DRC11: variants seen among roughly 807,000 people sequenced by gnomAD.
The protein encoded by DRC11 is dynein regulatory complex subunit 11.
chr2:236,352,213 G>T, the DRC11 span, among the ~76,000 whole-genome samples: 28 of 152,212 alleles, frequency 1.8e-4, no homozygotes, highest in South Asian at 5.6e-3. The surrounding 1 kb of genome is among the most constrained non-coding windows in gnomAD (Gnocchi z 7.0). Context: ...GGCGGCCAGC[G>T]GTGGCCTGTG....
the DRC11 span, among the ~76,000 whole-genome samples, chr2:236,316,683 A>G: frequency 1.3e-5 from 2 of 152,228 alleles, no homozygotes; most frequent in Non-Finnish European, 2.9e-5. The surrounding 1 kb of genome is among the most constrained non-coding windows in gnomAD (Gnocchi z 6.8). Flanking sequence ...GTGCAACCCC[A>G]GTAGTCATTA....
At chr2:236,372,097 G>T in the DRC11 span, among the ~76,000 whole-genome samples, 1 of 152,134 alleles carries the variant, frequency 6.6e-6, no homozygotes, top group African/African-American at 2.4e-5. This position sits in a 1 kb window ranked among gnomAD's most constrained non-coding sequence, Gnocchi z 4.5. Context: ...TGCCAGAGGT[G>T]CTTTCGACCG....
chr2:236,482,031 T>A, the DRC11 span, among the ~76,000 whole-genome samples: 1 of 93,642 alleles, frequency 1.1e-5, no homozygotes, highest in African/African-American at 5.0e-5. This position sits in a 1 kb window ranked among gnomAD's most constrained non-coding sequence, Gnocchi z 4.5. Flanking sequence ...ATTATATGTA[T>A]AATTCTAGGT....
chr2:236,444,341 C>T, the DRC11 span, among the ~76,000 whole-genome samples: 1 of 152,226 alleles, frequency 6.6e-6, no homozygotes, highest in Admixed American at 6.5e-5. Flanking sequence ...GTGAAGACTA[C>T]AGTGTTTACT....
the DRC11 span, chr2:236,368,267 C>T: frequency 1.2e-6 from 2 of 1,607,400 alleles, no homozygotes; most frequent in African/African-American, 1.3e-5. Context: ...CTATGGACAC[C>T]TGGCGAAGAG....
the DRC11 span, among the ~76,000 whole-genome samples, chr2:236,482,917 G>A: frequency 6.6e-6 from 1 of 152,132 alleles, no homozygotes; most frequent in Non-Finnish European, 1.5e-5. The surrounding 1 kb of genome is among the most constrained non-coding windows in gnomAD (Gnocchi z 4.5). Flanking sequence ...AAACATACCA[G>A]TCTAACTATT....
At chr2:236,436,364 G>A in the DRC11 span, among the ~76,000 whole-genome samples, 67 of 152,176 alleles carry the variant, frequency 4.4e-4, no homozygotes, top group African/African-American at 1.5e-3. Flanking sequence ...GTTTTGTGTA[G>A]TTAAGTATAT....
chr2:236,498,597 A>G, the DRC11 span, among the ~76,000 whole-genome samples: 1 of 152,230 alleles, frequency 6.6e-6, no homozygotes, highest in South Asian at 2.1e-4. Context: ...GAAGCCAGAG[A>G]GCAGAGGAGT....
the DRC11 span, among the ~76,000 whole-genome samples, chr2:236,364,204 G>A: frequency 0.29 from 27,738 of 95,698 alleles, 2,805 homozygotes; most frequent in Non-Finnish European, 0.32. Context: ...GGGTCTCTGC[G>A]GGTCCTTAAT....
the DRC11 span, among the ~76,000 whole-genome samples, chr2:236,352,676 T>G: frequency 2.0e-5 from 3 of 152,146 alleles, no homozygotes. This position sits in a 1 kb window ranked among gnomAD's most constrained non-coding sequence, Gnocchi z 7.0. Context: ...TACAGATCCT[T>G]TACGAAAATG....
the DRC11 span, among the ~76,000 whole-genome samples, chr2:236,491,203 TATATATATAC>T: frequency 9.5e-5 from 6 of 62,958 alleles, no homozygotes; most frequent in African/African-American, 3.7e-4. Context: ...TATATATATA[TATATATATAC>T]ACACAGTATA....
At chr2:236,497,306 G>T in the DRC11 span, 1 of 1,613,882 alleles carries the variant, frequency 6.2e-7, no homozygotes, top group South Asian at 1.1e-5. The surrounding 1 kb of genome is among the most constrained non-coding windows in gnomAD (Gnocchi z 5.1). Context: ...TTCTGGGGGT[G>T]GACGAACTGG....
the DRC11 span, chr2:236,408,041 C>G: frequency 1.7e-6 from 1 of 576,082 alleles, no homozygotes; most frequent in African/African-American, 1.9e-5. This position sits in a 1 kb window ranked among gnomAD's most constrained non-coding sequence, Gnocchi z 5.5. Flanking sequence ...AGGGTGAGCA[C>G]TCACTTCTTG....
At chr2:236,472,983 G>A in the DRC11 span, among the ~76,000 whole-genome samples, 1 of 152,166 alleles carries the variant, frequency 6.6e-6, no homozygotes, top group Admixed American at 6.5e-5. This position sits in a 1 kb window ranked among gnomAD's most constrained non-coding sequence, Gnocchi z 4.6. Flanking sequence ...CCCAGGACAT[G>A]TAGGGAACAG....
chr2:236,357,764 A>G, the DRC11 span, among the ~76,000 whole-genome samples: 5 of 126,758 alleles, frequency 3.9e-5, no homozygotes, highest in South Asian at 7.1e-4. Flanking sequence ...AAATATACAT[A>G]TACTATGTAA....
At chr2:236,342,257 C>G in the DRC11 span, among the ~76,000 whole-genome samples, 1 of 152,172 alleles carries the variant, frequency 6.6e-6, no homozygotes, top group East Asian at 1.9e-4. The surrounding 1 kb of genome is among the most constrained non-coding windows in gnomAD (Gnocchi z 5.8). Context: ...TGCCTCTGTG[C>G]CCTTGGGATC....
the DRC11 span, among the ~76,000 whole-genome samples, chr2:236,355,485 T>G: frequency 2.0e-5 from 3 of 152,218 alleles, no homozygotes; most frequent in Non-Finnish European, 4.4e-5. Context: ...GAGCCTGGCC[T>G]CTTCATGGAC....
chr2:236,446,975 C>T, the DRC11 span, among the ~76,000 whole-genome samples: 4 of 151,700 alleles, frequency 2.6e-5, no homozygotes, highest in African/African-American at 9.8e-5. The surrounding 1 kb of genome is among the most constrained non-coding windows in gnomAD (Gnocchi z 6.2). Flanking sequence ...TCTCCTCCTT[C>T]TGTGCCTCAT....
At chr2:236,453,604 AT>A in the DRC11 span, among the ~76,000 whole-genome samples, 1 of 152,030 alleles carries the variant, frequency 6.6e-6, no homozygotes, top group African/African-American at 2.4e-5. This position sits in a 1 kb window ranked among gnomAD's most constrained non-coding sequence, Gnocchi z 4.9. Context: ...GATGCAGTAG[AT>A]TTGAGGTCCT....
Sources: gnomAD v4.1 joint callset for allele counts (sites outside exome capture counted in the v4.1 genomes callset) on GRCh38, gnomAD v4.1.1 for gene constraint, Gnocchi (gnomAD v3.1) non-coding constraint, MANE v1.5 for transcripts, NCBI Gene and HGNC (gene_info 2026-07-23, HGNC 2026-07-21) for gene names.